Variants in SLC39A6 observed in about 807,000 individuals in gnomAD.
The protein encoded by SLC39A6 is solute carrier family 39 member 6, also known as zinc transporter ZIP6.
Under a neutral mutation model 63.5 loss-of-function variants are expected in SLC39A6, and 51 were observed. The ratio of observed to expected loss-of-function variants is 0.80; its 90% CI spans 0.64 to 1.01. The LOEUF is 1.01. Among genes scored for constraint, SLC39A6 ranks in the 50% least tolerant of loss-of-function variants. The pLI, the probability that SLC39A6 is intolerant of heterozygous loss-of-function variation, is 0.00. For synonymous variants in SLC39A6, 318 were observed against 324.7 expected (o/e 0.98, Z 0.22); for missense variants, 805 against 927.8 (o/e 0.87, Z 1.72).
At chr18:36,125,626 G>T (rs1454394016) in intron 2 of SLC39A6, among the ~76,000 whole-genome samples, 1 of 151,420 alleles carries the variant, frequency 6.6e-6, no homozygotes, top group Admixed American at 6.6e-5. Context: ...CCCTGTTCTT[G>T]ACATCTCTCA....
chr18:36,113,388 C>T (rs1295528502), intron 7 of SLC39A6, among the ~76,000 whole-genome samples: 4 of 152,150 alleles, frequency 2.6e-5, no homozygotes, highest in Admixed American at 6.5e-5. Context: ...CATGAGCTAC[C>T]GCACCCAGCC....
intron 1 of SLC39A6, among the ~76,000 whole-genome samples, chr18:36,128,693 G>T (rs1368498973): frequency 1.3e-5 from 2 of 152,186 alleles, no homozygotes; most frequent in African/African-American, 4.8e-5. Flanking sequence ...TCGTGGACCC[G>T]TTGAAGGATC....
chr18:36,116,682 G>A lies in SLC39A6; in HGVS notation c.1457C>T (p.Thr486Ile). 6.2e-7 allele frequency: 1 copy of A among 1,604,108 alleles called. No homozygotes were observed. Among genetic ancestry groups the A allele is most frequent in the East Asian group, 2.2e-5 (1 of 44,792 alleles). ...QLSTNEEKVD[T>I]DDRTEGYLRA... ...TATGCATAAGAACTTACGATCATCT[G>A]TATCTACTTTCTCCTCATTTGTTGA... is the stretch of plus-strand genomic sequence containing the variant. The change falls in exon 6 of 10, where the codon ACA becomes ATA. Residue 486 changes from threonine to isoleucine, a missense_variant. Thr to Ile is a moderately conservative substitution (Grantham distance 89). Transcript: ENST00000269187.
At position 36,116,684 on chromosome 18, in the gene SLC39A6, A is replaced by T; in HGVS notation, c.1455T>A (p.Asp485Glu). 41 of 1,605,202 alleles carry T rather than the reference A, an allele frequency of 2.6e-5. No homozygotes were observed. The highest frequency in any genetic ancestry group is 3.3e-5 in the Non-Finnish European group (39 of 1,172,100). The stretch of plus-strand genomic sequence containing the variant: ...TGCATAAGAACTTACGATCATCTGT[A>T]TCTACTTTCTCCTCATTTGTTGAAA... ...SQLSTNEEKVDTDDRTEGYLR... is the reference protein window; with the variant it reads ...SQLSTNEEKVETDDRTEGYLR... The change falls in exon 6 of 10, where the codon GAT becomes GAA. Residue 485 changes from aspartate to glutamate, a missense_variant. Asp to Glu is a conservative substitution (Grantham distance 45, BLOSUM62 2). This residue lies in a region of SLC39A6 where 639 missense variants were observed against 644.0 expected (regional missense o/e 0.99). Coordinates refer to ENST00000269187, the MANE Select transcript of SLC39A6 (RefSeq NM_012319.4).
intron 5 of SLC39A6, among the ~76,000 whole-genome samples, chr18:36,117,948 G>A (rs369285098): frequency 2.6e-5 from 4 of 151,462 alleles, no homozygotes; most frequent in East Asian, 1.9e-4. Flanking sequence ...GGAGAATGGC[G>A]TGAATCTGGG....
chr18:36,124,730 A>T, intron 2 of SLC39A6, 30 bp from the exon 3 acceptor site: 1 of 1,490,952 alleles, frequency 6.7e-7, no homozygotes, highest in Non-Finnish European at 9.1e-7. Flanking sequence ...GAAAATCACC[A>T]AAAGCCATCC....
intron 8 of SLC39A6, among the ~76,000 whole-genome samples, chr18:36,112,052 G>C (rs2089305382): frequency 6.6e-6 from 1 of 152,206 alleles, no homozygotes; most frequent in South Asian, 2.1e-4. Context: ...CATGGGACTT[G>C]AATGTGGAAC....
chr18:36,126,909 A>G lies in SLC39A6; in HGVS notation c.99T>C (p.Thr33=), dbSNP rs2089444388. The change falls in exon 2 of 10, where the codon ACT becomes ACC. Residue 33 remains threonine (T), a synonymous_variant. Transcript: ENST00000269187. ...ELKAAAFPQT[T]EKISPNWESG... ...ATTCCCAATTCGGACTAATTTTCTC[A>G]GTGGTCTGGGGGAAAGCAGCTGCTT... The G allele has an allele frequency of 4.3e-6, 7 of 1,614,196 alleles. No homozygotes were observed. In the East Asian group the frequency reaches 1.6e-4, roughly 36 times the overall value.
chr18:36,122,435 CAGCT>C (rs2089402278), intron 4 of SLC39A6, among the ~76,000 whole-genome samples, 165 bp from the exon 5 acceptor site: 1 of 152,184 alleles, frequency 6.6e-6, no homozygotes. Flanking sequence ...GACCAATGAG[CAGCT>C]AGCTATCTAG....
At chr18:36,118,455 T>C (rs1446265391) in intron 5 of SLC39A6, among the ~76,000 whole-genome samples, 3 of 152,134 alleles carry the variant, frequency 2.0e-5, no homozygotes, top group Non-Finnish European at 4.4e-5. Context: ...AGATGGCCAC[T>C]GAAAAAATAT....
intron 6 of SLC39A6, 71 bp downstream of exon 6, chr18:36,116,603 T>C: frequency 3.9e-6 from 4 of 1,033,218 alleles, no homozygotes; most frequent in Admixed American, 2.0e-5. Context: ...TTCTTCCAGA[T>C]AGTCAAGTTG....
In SLC39A6 at chr18:36,111,013, A is replaced by G. The variant is rs376171345; in HGVS notation, c.2115+46T>C. On this transcript the variant is annotated intron_variant, in intron 9 of 9. Transcript: ENST00000269187. ...TGAGGCTTTACCGAATATTTTCTCT[A>G]TTTTATTGTTGGTCAATAATGTAAT... 1.6e-3 allele frequency: 2,519 copies of G among 1,605,836 alleles called. 18 individuals are homozygous for G. Among genetic ancestry groups the G allele is most frequent in the South Asian group, 9.5e-3 (851 of 89,480 alleles).
At chr18:36,115,713 T>A (rs1331976571) in intron 6 of SLC39A6, among the ~76,000 whole-genome samples, 1 of 152,076 alleles carries the variant, frequency 6.6e-6, no homozygotes, top group Non-Finnish European at 1.5e-5. Context: ...AGAGGGCCAG[T>A]GGGGCTGGAG....
chr18:36,127,888 C>T (rs1055678010), intron 1 of SLC39A6, among the ~76,000 whole-genome samples: 3 of 150,942 alleles, frequency 2.0e-5, no homozygotes, highest in Admixed American at 6.6e-5. Context: ...GCTGGGATTA[C>T]AGGCGTGACC....
Position 36,127,002 on chromosome 18 carries a change from C to T in SLC39A6, c.6G>A (p.Ala2=), listed in dbSNP as rs757540172. Residue 2 remains alanine, a synonymous_variant, in exon 2 of 10, where the codon GCG becomes GCA. Coordinates refer to ENST00000269187, the MANE Select transcript of SLC39A6 (RefSeq NM_012319.4). ...GGATCAAGATTACAGATAACTTCCT[C>T]GCCATTGCGCCTTCCTAGAAAAGAC... M[A]RKLSVILILT... 3 of 1,591,212 alleles carry T rather than the reference C, an allele frequency of 1.9e-6. No homozygotes were observed. The highest frequency in any genetic ancestry group is 1.1e-5 in the South Asian group (1 of 88,076).
Position 36,114,197 on chromosome 18 carries a change from G to A in SLC39A6, c.1743C>T (p.Arg581=). ...QNHHPHSHSQ[R]YSREELKDAG... ...CATCTTTCAGCTCCTCCCGAGAGTA[G>A]CGCTGGCTGTGACTGTGAGGATGGT... Residue 581 remains arginine, a synonymous_variant, in exon 7 of 10, where the codon CGC becomes CGT. Coordinates refer to ENST00000269187, the MANE Select transcript of SLC39A6 (RefSeq NM_012319.4). 6.2e-7 allele frequency: 1 copy of A among 1,614,194 alleles called. No homozygotes were observed.
Position 36,112,482 on chromosome 18 carries a change from A to G in SLC39A6, c.1924+19T>C. On this transcript the variant is annotated intron_variant, in intron 8 of 9. Transcript: ENST00000269187. The stretch of plus-strand genomic sequence containing the variant: ...ACATTTCACCCACTTGGCAAATACA[A>G]TTTATGTGGTTCTCTTACCTAATTC... The G allele has an allele frequency of 6.3e-7, 1 of 1,592,446 alleles. No individual in the cohort carries two copies. Among genetic ancestry groups the G allele is most frequent in the Non-Finnish European group, 8.6e-7 (1 of 1,162,150 alleles).
In SLC39A6 at chr18:36,112,581, C is replaced by T. The variant is rs759656407; in HGVS notation, c.1844G>A (p.Gly615Asp). ...TGATAAGCCTTCAGTAAAAGCAGCA[C>T]CTGTGTAAAAATCAATCAGAAAAAG... ...LHNFSDGLAI[G>D]AAFTEGLSSG... Residue 615 changes from glycine (G) to aspartate (D), a missense_variant and splice_region_variant, in exon 8 of 10, where the codon GGT becomes GAT. Physicochemically the swap from Gly to Asp is moderately conservative, Grantham distance 94 (BLOSUM62 -1). Coordinates refer to ENST00000269187, the MANE Select transcript of SLC39A6 (RefSeq NM_012319.4). 12 of 1,612,224 alleles carry T rather than the reference C, an allele frequency of 7.4e-6. No individual in the cohort carries two copies. The highest frequency in any genetic ancestry group is 1.0e-5 in the Non-Finnish European group (12 of 1,178,704).
intron 6 of SLC39A6, among the ~76,000 whole-genome samples, chr18:36,115,653 A>G (rs890661192): frequency 6.6e-6 from 1 of 152,096 alleles, no homozygotes; most frequent in Non-Finnish European, 1.5e-5. Flanking sequence ...AGTACAAGGA[A>G]TAGTGAGTGC....
Sources: allele counts gnomAD v4.1 joint callset (sites outside exome capture counted in the v4.1 genomes callset), GRCh38; gene constraint gnomAD v4.1.1; regional missense constraint gnomAD v4.1.1; transcripts MANE v1.5; gene names NCBI Gene and HGNC (gene_info 2026-07-23, HGNC 2026-07-21).